The following IQCH variants were observed in gnomAD, a reference collection of about 807,000 sequenced individuals.
The protein encoded by IQCH is IQ motif containing H, also known as IQ domain-containing protein H.
Under a neutral mutation model 117.0 loss-of-function variants are expected in IQCH, and 98 were observed. That is an observed-to-expected ratio of 0.84 (90% CI 0.71 to 0.99). The LOEUF (loss-of-function observed/expected upper bound fraction) is 0.99. Among genes scored for constraint, IQCH ranks in the 50% least tolerant of loss-of-function variants. The pLI is 0.00. For synonymous variants in IQCH, 412 were observed against 448.2 expected (o/e 0.92, Z 1.02); for missense variants, 1,102 against 1,243.8 (o/e 0.89, Z 1.72).
chr15:67,258,545 A>G (rs1204126943), intron 1 of IQCH, among the ~76,000 whole-genome samples: 2 of 151,144 alleles, frequency 1.3e-5, no homozygotes, highest in Non-Finnish European at 3.0e-5. Flanking sequence ...AAAAAAAAAA[A>G]GAATGAAGTT....
chr15:67,378,651 C>T (rs951092045), intron 10 of IQCH, among the ~76,000 whole-genome samples: 4 of 151,868 alleles, frequency 2.6e-5, no homozygotes, highest in Admixed American at 6.6e-5. Context: ...GAGTTGGTCC[C>T]GTGATCTTAT....
In IQCH at chr15:67,433,653, G is replaced by A. The variant is rs1039735583; in HGVS notation, c.2505+12076G>A. On this transcript the variant is annotated intron_variant, in intron 16 of 20. Transcript: ENST00000335894. This position sits in a 1 kb window ranked among gnomAD's most constrained non-coding sequence, Gnocchi z 5.4. ...TAGGGATCTTTAACTTGAATCACCAGAAACATGGCCAGGGCGAGGAAAATC... is the reference window on the plus strand; with the variant it reads ...TAGGGATCTTTAACTTGAATCACCAAAAACATGGCCAGGGCGAGGAAAATC... Among the ~76,000 whole-genome samples, 3 of 152,130 alleles carry A rather than the reference G, an allele frequency of 2.0e-5. No individual in the cohort carries two copies. The highest frequency in any genetic ancestry group is 1.3e-4 in the Admixed American group (2 of 15,280).
rs1374124854 is a variant in IQCH at position 67,459,251 on chromosome 15, A to G, written c.2506-5876A>G. On this transcript the variant is annotated intron_variant, in intron 16 of 20. Transcript: ENST00000335894. This position sits in a 1 kb window ranked among gnomAD's most constrained non-coding sequence, Gnocchi z 4.2. ...AAACTTAGAGATGAGTCTGCAGAGCATCTTTGGATTCATAAAGCTCTGAAA... is the reference window on the plus strand; with the variant it reads ...AAACTTAGAGATGAGTCTGCAGAGCGTCTTTGGATTCATAAAGCTCTGAAA... Among the ~76,000 whole-genome samples, 1 of 152,220 alleles carries G rather than the reference A, an allele frequency of 6.6e-6. No individual in the cohort carries two copies. Among genetic ancestry groups the G allele is most frequent in the Non-Finnish European group, 1.5e-5 (1 of 68,042 alleles).
chr15:67,275,883 T>A (rs1435821144), intron 3 of IQCH, among the ~76,000 whole-genome samples: 2 of 152,148 alleles, frequency 1.3e-5, no homozygotes, highest in African/African-American at 4.8e-5. Context: ...TTGTTTCAAA[T>A]AAATAAATAT....
chr15:67,366,260 C>T lies in IQCH; in HGVS notation c.754-5851C>T, dbSNP rs1240203441. The stretch of plus-strand genomic sequence containing the variant: ...TCCATCATAATTGTCCCCAGTGGTC[C>T]TTAACTATGTCACATTTTCTCAGAG... On this transcript the variant is annotated intron_variant, in intron 8 of 20. Transcript: ENST00000335894. This position sits in a 1 kb window ranked among gnomAD's most constrained non-coding sequence, Gnocchi z 4.4. 1.3e-5 allele frequency among the ~76,000 whole-genome samples: 2 copies of T among 152,160 alleles called. No homozygotes were observed. The highest frequency in any genetic ancestry group is 2.9e-5 in the Non-Finnish European group (2 of 68,028).
In IQCH at chr15:67,463,651, G is replaced by A. The variant is rs532866699; in HGVS notation, c.2506-1476G>A. 2.6e-5 allele frequency among the ~76,000 whole-genome samples: 4 copies of A among 152,178 alleles called. No homozygotes were observed. The highest frequency in any genetic ancestry group is 9.6e-5 in the African/African-American group (4 of 41,530). ...AAAACTGCAGGTACTTGATACATGG[G>A]ACCAGTTGTGTTTTTGTTGCTTGTT... On this transcript the variant is annotated intron_variant, in intron 16 of 20. Transcript: ENST00000335894. The surrounding 1 kb of genome is among the most constrained non-coding windows in gnomAD (Gnocchi z 4.0).
In IQCH at chr15:67,399,190, A is replaced by G. The variant is rs77222170; in HGVS notation, c.1906-924A>G. Among the ~76,000 whole-genome samples, 222 of 152,200 alleles carry G rather than the reference A, an allele frequency of 1.5e-3. 1 individual carries two copies. The highest frequency in any genetic ancestry group is 5.2e-3 in the African/African-American group (216 of 41,538). On this transcript the variant is annotated intron_variant, in intron 13 of 20. Transcript: ENST00000335894. ...TCAAAGCAACTTGAATGGAATTCCTACTCTGCTACTCAATGCTGTGTGATT... is the reference window on the plus strand; with the variant it reads ...TCAAAGCAACTTGAATGGAATTCCTGCTCTGCTACTCAATGCTGTGTGATT...
At chr15:67,392,764 G>C (rs1264801108) in intron 12 of IQCH, among the ~76,000 whole-genome samples, 1 of 134,146 alleles carries the variant, frequency 7.5e-6, no homozygotes, top group Non-Finnish European at 1.5e-5. Flanking sequence ...GTGACAGAGT[G>C]AGACTCTGTC....
At chr15:67,318,723 A>C (rs544850087) in intron 4 of IQCH, among the ~76,000 whole-genome samples, 76 of 152,324 alleles carry the variant, frequency 5.0e-4, no homozygotes, top group Non-Finnish European at 8.7e-4. Flanking sequence ...CTCAGCGTAG[A>C]TATTGCCCTT....
At position 67,364,984 on chromosome 15, in the gene IQCH, A is replaced by C. The variant is rs577384028; in HGVS notation, c.753+5099A>C. ...GAGATGCGGTCTCTCTCTGTCACCTAGTCTGCAGTGCAGTGGCACGATTGT... is the reference window on the plus strand; with the variant it reads ...GAGATGCGGTCTCTCTCTGTCACCTCGTCTGCAGTGCAGTGGCACGATTGT... On this transcript the variant is annotated intron_variant, in intron 8 of 20. Transcript: ENST00000335894. The surrounding 1 kb of genome is among the most constrained non-coding windows in gnomAD (Gnocchi z 4.1). Among the ~76,000 whole-genome samples, 1 of 152,270 alleles carries C rather than the reference A, an allele frequency of 6.6e-6. No homozygotes were observed. Among genetic ancestry groups the C allele is most frequent in the African/African-American group, 2.4e-5 (1 of 41,558 alleles).
At position 67,476,278 on chromosome 15, in the gene IQCH, C is replaced by T. The variant is rs1052630668; in HGVS notation, c.2799+460C>T. 6.6e-6 allele frequency among the ~76,000 whole-genome samples: 1 copy of T among 152,250 alleles called. No individual in the cohort carries two copies. The highest frequency in any genetic ancestry group is 1.5e-5 in the Non-Finnish European group (1 of 68,048). ...GCAGCTGGTACATCCAAGGACAAGG[C>T]ACTAGCAGATTTGGTTCCTGGTGAG... On this transcript the variant is annotated intron_variant, in intron 18 of 20. Transcript: ENST00000335894. This position sits in a 1 kb window ranked among gnomAD's most constrained non-coding sequence, Gnocchi z 4.1.
At chr15:67,256,915 T>C (rs1186987660) in intron 1 of IQCH, among the ~76,000 whole-genome samples, 1 of 152,196 alleles carries the variant, frequency 6.6e-6, no homozygotes, top group African/African-American at 2.4e-5. Context: ...ATGTAGAATA[T>C]GTATAGTGAG....
At chr15:67,469,947 C>T (rs1213776086) in intron 17 of IQCH, among the ~76,000 whole-genome samples, 1 of 152,194 alleles carries the variant, frequency 6.6e-6, no homozygotes, top group African/African-American at 2.4e-5. Context: ...GATCCAGCCC[C>T]AGAGTGGAGC....
intron 4 of IQCH, among the ~76,000 whole-genome samples, chr15:67,319,003 G>A (rs1386348539): frequency 6.6e-6 from 1 of 152,300 alleles, no homozygotes; most frequent in Middle Eastern, 3.4e-3. Context: ...GAGGCAGGCA[G>A]TATCACGAGG....
intron 20 of IQCH, among the ~76,000 whole-genome samples, chr15:67,495,683 G>A (rs1366318296): frequency 1.3e-5 from 2 of 152,334 alleles, no homozygotes; most frequent in African/African-American, 4.8e-5. Context: ...TTGTCTCGCT[G>A]TGGGCAGAGT....
At chr15:67,357,028 T>C (rs182035264) in intron 6 of IQCH, among the ~76,000 whole-genome samples, 1 of 152,228 alleles carries the variant, frequency 6.6e-6, no homozygotes, top group African/African-American at 2.4e-5. Flanking sequence ...ACAAAGCATT[T>C]TATAAGACAG....
chr15:67,266,082 A>T (rs1001209055), intron 3 of IQCH, among the ~76,000 whole-genome samples: 2 of 151,968 alleles, frequency 1.3e-5, no homozygotes, highest in Non-Finnish European at 2.9e-5. Context: ...TTTTATTGAC[A>T]TAGCCATTGG....
At chr15:67,274,719 G>A (rs907294182) in intron 3 of IQCH, among the ~76,000 whole-genome samples, 2 of 152,088 alleles carry the variant, frequency 1.3e-5, no homozygotes, top group African/African-American at 4.8e-5. Flanking sequence ...TGATGTGCCT[G>A]TATGTCTGTT....
chr15:67,341,481 A>G (rs1969172705), intron 5 of IQCH, among the ~76,000 whole-genome samples: 2 of 152,298 alleles, frequency 1.3e-5, no homozygotes, highest in South Asian at 4.1e-4. Context: ...AAAACAAATT[A>G]ATAGAGAGTA....
Sources: gnomAD v4.1 joint callset for allele counts (sites outside exome capture counted in the v4.1 genomes callset) on GRCh38, gnomAD v4.1.1 for gene constraint, Gnocchi (gnomAD v3.1) non-coding constraint, MANE v1.5 for transcripts, NCBI Gene and HGNC (gene_info 2026-07-23, HGNC 2026-07-21) for gene names.